Variants in CTCF observed in about 807,000 individuals in gnomAD.
CTCF encodes transcriptional repressor CTCF.
CTCF carries 7 observed loss-of-function variants against 72.3 expected under a neutral mutation model. That is an observed-to-expected ratio of 0.10 (90% confidence interval 0.06 to 0.18). The LOEUF is 0.18. CTCF is among the 10% of genes least tolerant of loss of function. The pLI, the probability that CTCF is intolerant of heterozygous loss-of-function variation, is 1.00. For missense variants in CTCF, 516 were observed against 949.1 expected, an observed-to-expected ratio of 0.54 and a Z score of 6.00; for synonymous variants, 374 against 315.8, an observed-to-expected ratio of 1.18 and a Z score of -1.95.
intron 2 of CTCF, among the ~76,000 whole-genome samples, chr16:67,589,296 A>G (rs534094219): frequency 2.1e-3 from 326 of 152,170 alleles, no homozygotes; most frequent in Non-Finnish European, 3.7e-3. Flanking sequence ...GCAAGACCGC[A>G]CCTCTTAAAA....
chr16:67,584,910 G>A lies in CTCF; in HGVS notation c.-10+13646G>A, dbSNP rs570484268. Among the ~76,000 whole-genome samples, 5 of 152,246 alleles carry A rather than the reference G, an allele frequency of 3.3e-5. No individual in the cohort carries two copies. In the East Asian group the frequency reaches 9.6e-4, roughly 29 times the overall value. ...AGAATTTCCTGCTGCATTTGATTCTGTAGCTAATTATTTTATACATTCATT... is the reference window on the plus strand; with the variant it reads ...AGAATTTCCTGCTGCATTTGATTCTATAGCTAATTATTTTATACATTCATT... On this transcript the variant is annotated intron_variant, in intron 2 of 11. Transcript: ENST00000264010.
intron 2 of CTCF, among the ~76,000 whole-genome samples, chr16:67,583,787 T>C (rs1230761324): frequency 6.6e-6 from 1 of 152,170 alleles, no homozygotes; most frequent in Non-Finnish European, 1.5e-5. Context: ...GCAGCTTTTC[T>C]AGTTTAAAAC....
At chr16:67,632,887 G>C (rs1246659410) in intron 10 of CTCF, among the ~76,000 whole-genome samples, 1 of 152,186 alleles carries the variant, frequency 6.6e-6, no homozygotes, top group African/African-American at 2.4e-5. Flanking sequence ...TTGTTCCAGA[G>C]AAAGAGAGTG....
intron 2 of CTCF, among the ~76,000 whole-genome samples, chr16:67,604,750 T>C (rs1228664611): frequency 1.6e-5 from 2 of 121,902 alleles, no homozygotes; most frequent in African/African-American, 4.1e-5. Flanking sequence ...TTTTTGTTTT[T>C]TGTTTTTTTT....
intron 1 of CTCF, among the ~76,000 whole-genome samples, chr16:67,565,799 T>G (rs2051335516): frequency 1.3e-5 from 2 of 152,276 alleles, no homozygotes; most frequent in South Asian, 4.1e-4. Context: ...AGCTTTAGGA[T>G]TTTATTTTAA....
intron 1 of CTCF, among the ~76,000 whole-genome samples, chr16:67,567,357 T>G (rs1303189032): frequency 6.6e-6 from 1 of 152,180 alleles, no homozygotes; most frequent in East Asian, 1.9e-4. Flanking sequence ...GGGTAGAAAA[T>G]TTCATTCCCT....
intron 2 of CTCF, among the ~76,000 whole-genome samples, chr16:67,593,149 A>G (rs2051768461): frequency 6.6e-6 from 1 of 151,252 alleles, no homozygotes; most frequent in Non-Finnish European, 1.5e-5. Context: ...TATAAAGAGA[A>G]AGGTGCAAGG....
chr16:67,638,255 A>G lies in CTCF; in HGVS notation c.*383A>G, dbSNP rs1404355881. ...TTCCCAAGAGAGTTTTTAATTGTAA[A>G]TGCATACTTGGGAAGGACTTAGAGT... is the stretch of plus-strand genomic sequence containing the variant. On this transcript the variant is annotated 3_prime_UTR_variant, in exon 12 of 12. Coordinates refer to ENST00000264010, the MANE Select transcript of CTCF (RefSeq NM_006565.4). The G allele has an allele frequency of 8.1e-6, 2 of 248,384 alleles. No individual in the cohort carries two copies. The highest frequency in any genetic ancestry group is 5.3e-5 in the Admixed American group (1 of 18,992). The allele number at this position is 248,384 out of a possible 1,614,324, so 15.4% of individuals were successfully genotyped here.
chr16:67,633,779 CT>C (rs1425569740), intron 10 of CTCF, among the ~76,000 whole-genome samples: 2 of 135,804 alleles, frequency 1.5e-5, no homozygotes, highest in African/African-American at 3.0e-5. Context: ...GTCTTGTCCC[CT>C]GACACACACA....
intron 2 of CTCF, among the ~76,000 whole-genome samples, chr16:67,607,621 A>G (rs916786106): frequency 3.3e-5 from 5 of 152,078 alleles, no homozygotes; most frequent in Non-Finnish European, 7.4e-5. Context: ...ACAAGATATA[A>G]GAGCCAAAAA....
chr16:67,588,003 G>A (rs1459908261), intron 2 of CTCF, among the ~76,000 whole-genome samples: 5 of 151,886 alleles, frequency 3.3e-5, no homozygotes, highest in South Asian at 2.1e-4. Context: ...GATTTCAGGC[G>A]CCCACCACCA....
intron 7 of CTCF, among the ~76,000 whole-genome samples, chr16:67,624,109 G>GTA (rs2052245820): frequency 7.3e-6 from 1 of 136,152 alleles, no homozygotes; most frequent in Admixed American, 7.2e-5. Flanking sequence ...GTGTGTGTGT[G>GTA]TGTGTGTATG....
chr16:67,565,502 G>A (rs1196358351), intron 1 of CTCF, among the ~76,000 whole-genome samples: 1 of 151,676 alleles, frequency 6.6e-6, no homozygotes, highest in African/African-American at 2.4e-5. Flanking sequence ...GTGAAACCCT[G>A]TCTCTACTAA....
Position 67,610,927 on chromosome 16 carries a change from G to C in CTCF, c.95G>C (p.Gly32Ala), listed in dbSNP as rs759711695. 3 of 1,553,104 alleles carry C rather than the reference G, an allele frequency of 1.9e-6. No individual in the cohort carries two copies. In the Admixed American group the frequency reaches 5.9e-5, roughly 30 times the overall value. The change falls in exon 3 of 12, where the codon GGC (glycine) becomes GCC (alanine). Residue 32 changes from glycine to alanine, a missense_variant. By Grantham distance (60) the Gly-to-Ala change is moderately conservative. Transcript: ENST00000264010. ...RKTYQRRREG[G>A]QEEDACHLPQ... ...ACTTACCAGAGACGCCGGGAAGGGG[G>C]CCAGGAAGAAGATGCCTGCCACTTA...
chr16:67,636,012 G>C (rs2052423318), intron 10 of CTCF, among the ~76,000 whole-genome samples: 1 of 152,004 alleles, frequency 6.6e-6, no homozygotes, highest in Non-Finnish European at 1.5e-5. Flanking sequence ...CAGGCAGATT[G>C]CCTGAGGTCA....
chr16:67,573,843 C>T (rs980305001), intron 2 of CTCF, among the ~76,000 whole-genome samples: 4 of 151,980 alleles, frequency 2.6e-5, no homozygotes, highest in African/African-American at 9.7e-5. Flanking sequence ...CCATCCTGAC[C>T]AACATGGTGA....
rs926223584 is a variant in CTCF at position 67,637,999 on chromosome 16, C to T, written c.*127C>T. The T allele has an allele frequency of 2.2e-5, 18 of 822,836 alleles. No individual in the cohort carries two copies. The highest frequency in any genetic ancestry group is 5.4e-5 in the East Asian group (2 of 37,142). 51.0% of individuals were successfully genotyped at this position (822,836 alleles called of 1,614,324 possible). On this transcript the variant is annotated 3_prime_UTR_variant, in exon 12 of 12. Coordinates refer to ENST00000264010, the MANE Select transcript of CTCF (RefSeq NM_006565.4). ...ATCATTTTACCAAACATACCGAGAA[C>T]GAAAACTTCAAGGATGATGTTAGAA...
At chr16:67,631,227 G>A (rs1272442468) in intron 10 of CTCF, among the ~76,000 whole-genome samples, 1 of 146,018 alleles carries the variant, frequency 6.8e-6, no homozygotes, top group African/African-American at 2.6e-5. Context: ...GTGCAGTAGT[G>A]CGATCTCTGC....
At chr16:67,563,268 C>T (rs989076184) in intron 1 of CTCF, 2 of 152,332 alleles carry the variant, frequency 1.3e-5, no homozygotes, top group Admixed American at 6.5e-5. Flanking sequence ...TGCCCCTCCT[C>T]CAGCCAGCCC....
Sources: allele counts gnomAD v4.1 joint callset (sites outside exome capture counted in the v4.1 genomes callset), GRCh38; gene constraint gnomAD v4.1.1; transcripts MANE v1.5; gene names NCBI Gene and HGNC (gene_info 2026-07-23, HGNC 2026-07-21).